Variants in EPHA6 observed in about 807,000 individuals in gnomAD.
The protein encoded by EPHA6 is ephrin type-A receptor 6.
Under a neutral mutation model 112.0 loss-of-function variants are expected in EPHA6, and 50 were observed. The observed-to-expected ratio is 0.45, with a 90% CI of 0.36 to 0.56. EPHA6 has a LOEUF of 0.56. Among genes scored for constraint, EPHA6 ranks in the 20% least tolerant of loss-of-function variants. The pLI is 0.00. For missense variants in EPHA6, 1,280 were observed against 1,417.4 expected (o/e 0.90, Z 1.56); for synonymous variants, 529 against 490.7 (o/e 1.08, Z -1.03).
chr3:97,547,720 C>T (rs898019045), intron 11 of EPHA6, among the ~76,000 whole-genome samples: 27 of 152,224 alleles, frequency 1.8e-4, no homozygotes, highest in Admixed American at 1.8e-3. Flanking sequence ...CCAGTTCGAG[C>T]TTCCCAGCTG....
chr3:97,005,873 A>G (rs2043858671), intron 3 of EPHA6, among the ~76,000 whole-genome samples: 1 of 152,190 alleles, frequency 6.6e-6, no homozygotes, highest in Non-Finnish European at 1.5e-5. Flanking sequence ...TATTGAGATA[A>G]TCATGTGATT....
At chr3:96,884,812 G>T (rs139381944) in intron 2 of EPHA6, among the ~76,000 whole-genome samples, 146 of 152,276 alleles carry the variant, frequency 9.6e-4, no homozygotes, top group Non-Finnish European at 1.8e-3. Context: ...AGTTCTCAGA[G>T]GGAATGCTTT....
At chr3:97,123,344 C>G (rs371702888) in intron 3 of EPHA6, among the ~76,000 whole-genome samples, 50 of 152,018 alleles carry the variant, frequency 3.3e-4, no homozygotes, top group African/African-American at 1.2e-3. Flanking sequence ...CTTTTTTGTT[C>G]ATTGTATATT....
intron 3 of EPHA6, among the ~76,000 whole-genome samples, chr3:97,086,122 A>G (rs1426037035): frequency 1.3e-5 from 2 of 151,546 alleles, no homozygotes; most frequent in Admixed American, 1.3e-4. Flanking sequence ...TTTAGTAGAG[A>G]TGGGGTTTCA....
At chr3:97,632,283 T>C (rs1281975705) in intron 13 of EPHA6, among the ~76,000 whole-genome samples, 3 of 152,050 alleles carry the variant, frequency 2.0e-5, no homozygotes, top group African/African-American at 7.2e-5. Context: ...TGAATATCTA[T>C]TAAATATCCA....
At chr3:97,598,104 T>G (rs900315673) in intron 12 of EPHA6, among the ~76,000 whole-genome samples, 2 of 152,112 alleles carry the variant, frequency 1.3e-5, no homozygotes, top group African/African-American at 2.4e-5. Context: ...TTTTCAGACA[T>G]TCTTTAAAAA....
At chr3:97,072,877 G>T (rs767903823) in intron 3 of EPHA6, among the ~76,000 whole-genome samples, 2 of 152,014 alleles carry the variant, frequency 1.3e-5, no homozygotes, top group African/African-American at 4.8e-5. Flanking sequence ...TTTTCCCATT[G>T]GGATAGTACC....
At chr3:97,163,604 G>A (rs2076468003) in intron 3 of EPHA6, among the ~76,000 whole-genome samples, 1 of 152,090 alleles carries the variant, frequency 6.6e-6, no homozygotes, top group Non-Finnish European at 1.5e-5. Context: ...AGGGATAGTG[G>A]TGATGGGTCC....
At chr3:97,041,691 G>T (rs2045320697) in intron 3 of EPHA6, among the ~76,000 whole-genome samples, 1 of 152,030 alleles carries the variant, frequency 6.6e-6, no homozygotes, top group Non-Finnish European at 1.5e-5. Flanking sequence ...CACTTCCTCA[G>T]GAAGCATAGC....
At chr3:96,990,300 A>G (rs970481751) in intron 3 of EPHA6, among the ~76,000 whole-genome samples, 10 of 152,140 alleles carry the variant, frequency 6.6e-5, no homozygotes, top group African/African-American at 2.4e-4. Context: ...TGGCAAAGAT[A>G]GTTTTGGACA....
chr3:97,016,753 T>A (rs1444412219), intron 3 of EPHA6, among the ~76,000 whole-genome samples: 2 of 152,228 alleles, frequency 1.3e-5, no homozygotes, highest in Non-Finnish European at 2.9e-5. Flanking sequence ...TATGGCTCTA[T>A]ACACTTGTCT....
chr3:97,044,973 T>C (rs956542586), intron 3 of EPHA6, among the ~76,000 whole-genome samples: 4 of 152,100 alleles, frequency 2.6e-5, no homozygotes, highest in African/African-American at 9.6e-5. Context: ...CTCATATGGA[T>C]AAATTAGTAG....
At chr3:97,409,540 A>T (rs547719311) in intron 6 of EPHA6, among the ~76,000 whole-genome samples, 1 of 152,204 alleles carries the variant, frequency 6.6e-6, no homozygotes, top group African/African-American at 2.4e-5. Flanking sequence ...TGTCTCAGAA[A>T]GTCAGTGCTT....
chr3:97,533,465 A>G (rs1027694087), intron 11 of EPHA6, among the ~76,000 whole-genome samples: 1 of 152,112 alleles, frequency 6.6e-6, no homozygotes, highest in African/African-American at 2.4e-5. Flanking sequence ...CCCAAAATGA[A>G]TAGATTCCTG....
At chr3:97,027,900 C>CA (rs2044697140) in intron 3 of EPHA6, among the ~76,000 whole-genome samples, 1 of 152,254 alleles carries the variant, frequency 6.6e-6, no homozygotes, top group Admixed American at 6.5e-5. Context: ...AATTGGGACA[C>CA]AAATTTTCTT....
chr3:97,596,248 T>A (rs368779757), intron 12 of EPHA6, among the ~76,000 whole-genome samples: 1 of 152,194 alleles, frequency 6.6e-6, no homozygotes, highest in East Asian at 1.9e-4. Flanking sequence ...CTCTCTTTGC[T>A]CCATGTAGTT....
At chr3:97,077,891 T>C (rs771741044) in intron 3 of EPHA6, among the ~76,000 whole-genome samples, 19 of 152,208 alleles carry the variant, frequency 1.2e-4, no homozygotes, top group Non-Finnish European at 2.5e-4. Flanking sequence ...TGATTTATAA[T>C]CCTTTGGGTA....
chr3:97,180,669 G>C (rs772023588), intron 3 of EPHA6, among the ~76,000 whole-genome samples: 12 of 152,028 alleles, frequency 7.9e-5, no homozygotes, highest in Non-Finnish European at 1.5e-4. Flanking sequence ...GGCCTGGAAT[G>C]GGAGACTCAC....
chr3:97,747,324 T>C, intron 16 of EPHA6, 99 bp from the exon 17 acceptor site: 1 of 1,034,320 alleles, frequency 9.7e-7, no homozygotes, highest in Non-Finnish European at 1.3e-6. Context: ...AAACATTAGA[T>C]GTAAGAATAT....
Sources: allele counts gnomAD v4.1 joint callset (sites outside exome capture counted in the v4.1 genomes callset), GRCh38; gene constraint gnomAD v4.1.1; transcripts MANE v1.5; gene names NCBI Gene and HGNC (gene_info 2026-07-23, HGNC 2026-07-21).